PTPRT: variants seen among roughly 807,000 people sequenced by gnomAD.
PTPRT encodes the protein receptor-type tyrosine-protein phosphatase T.
Under a neutral mutation model 176.8 loss-of-function variants are expected in PTPRT, and 56 were observed. The ratio of observed to expected loss-of-function variants is 0.32; its 90% CI spans 0.26 to 0.40. PTPRT has a LOEUF of 0.40. PTPRT is among the 10% of genes least tolerant of loss of function. PTPRT has a pLI of 1.00. For missense variants in PTPRT, 1,540 were observed against 1,908.2 expected (o/e 0.81, Z 3.60); for synonymous variants, 783 against 739.0 (o/e 1.06, Z -0.96).
chr20:42,743,530 G>A (rs902570174), intron 6 of PTPRT, among the ~76,000 whole-genome samples: 2 of 152,138 alleles, frequency 1.3e-5, no homozygotes, highest in African/African-American at 4.8e-5. Flanking sequence ...TTGTTTTAAG[G>A]CGGGAATAAG....
chr20:43,015,582 CAT>C (rs759913139), intron 1 of PTPRT, among the ~76,000 whole-genome samples: 4 of 152,210 alleles, frequency 2.6e-5, no homozygotes, highest in Admixed American at 6.5e-5. Flanking sequence ...CATACACACA[CAT>C]GTGCCCTCTG....
At chr20:42,450,199 G>A (rs2145858455) in intron 8 of PTPRT, among the ~76,000 whole-genome samples, 1 of 152,348 alleles carries the variant, frequency 6.6e-6, no homozygotes, top group East Asian at 1.9e-4. Flanking sequence ...ATGCTTATAG[G>A]TAAGTATGCA....
At chr20:42,195,772 CCT>C (rs1256917073) in intron 16 of PTPRT, among the ~76,000 whole-genome samples, 1 of 151,928 alleles carries the variant, frequency 6.6e-6, no homozygotes, top group Non-Finnish European at 1.5e-5. Flanking sequence ...TAGGTTTATA[CCT>C]CTCTCTGTAT....
intron 7 of PTPRT, among the ~76,000 whole-genome samples, chr20:42,547,397 A>G (rs182273355): frequency 0.013 from 1,927 of 151,826 alleles, 39 homozygotes; most frequent in African/African-American, 0.044. Context: ...AACACTGTAA[A>G]ATGAAAAAAA....
At chr20:42,326,312 A>T (rs942377795) in intron 11 of PTPRT, among the ~76,000 whole-genome samples, 1 of 152,176 alleles carries the variant, frequency 6.6e-6, no homozygotes, top group African/African-American at 2.4e-5. Context: ...TACCTCTAGA[A>T]CTTGCCTCTA....
At chr20:42,128,518 G>C (rs1240560111) in intron 19 of PTPRT, among the ~76,000 whole-genome samples, 2 of 152,136 alleles carry the variant, frequency 1.3e-5, no homozygotes, top group Non-Finnish European at 2.9e-5. Flanking sequence ...AATAAATGGG[G>C]TGAATGAGTA....
chr20:42,502,615 T>A (rs1383787008), intron 7 of PTPRT, among the ~76,000 whole-genome samples: 2 of 152,104 alleles, frequency 1.3e-5, no homozygotes. Flanking sequence ...TTGTGCTGGC[T>A]TACTCATTTT....
intron 7 of PTPRT, among the ~76,000 whole-genome samples, chr20:42,522,913 T>C (rs1335466107): frequency 6.6e-6 from 1 of 152,174 alleles, no homozygotes; most frequent in Non-Finnish European, 1.5e-5. Context: ...CTCCTGTATA[T>C]GGTATGCACG....
chr20:42,199,105 C>T, intron 16 of PTPRT, 135 bp downstream of exon 16: 9 of 1,017,626 alleles, frequency 8.8e-6, no homozygotes, highest in Non-Finnish European at 1.3e-5. Flanking sequence ...GGAGAACCTT[C>T]ATCCCAGTCC....
intron 7 of PTPRT, among the ~76,000 whole-genome samples, chr20:42,476,970 T>C (rs757309869): frequency 3.3e-5 from 5 of 152,108 alleles, no homozygotes; most frequent in African/African-American, 4.8e-5. Flanking sequence ...AGAATACACA[T>C]TTTAGTCTGT....
chr20:42,434,922 A>G (rs2059248815), intron 9 of PTPRT, among the ~76,000 whole-genome samples: 1 of 152,116 alleles, frequency 6.6e-6, no homozygotes, highest in Non-Finnish European at 1.5e-5. Context: ...TTGAGATTGC[A>G]TCACTGCACT....
At chr20:42,864,749 A>G (rs1168528267) in intron 2 of PTPRT, among the ~76,000 whole-genome samples, 1 of 152,210 alleles carries the variant, frequency 6.6e-6, no homozygotes, top group Non-Finnish European at 1.5e-5. Flanking sequence ...GACCAAGGTT[A>G]TCAAAGTTTT....
chr20:42,178,682 C>T (rs1030546244), intron 16 of PTPRT, among the ~76,000 whole-genome samples: 1 of 152,158 alleles, frequency 6.6e-6, no homozygotes, highest in Non-Finnish European at 1.5e-5. Context: ...TGTGAGGTTG[C>T]ACTCAAGCTG....
chr20:42,833,234 T>C (rs1463806510), intron 2 of PTPRT, among the ~76,000 whole-genome samples: 1 of 146,330 alleles, frequency 6.8e-6, no homozygotes, highest in African/African-American at 2.5e-5. Context: ...AAAAAAAACC[T>C]AAAGTCATTA....
chr20:42,324,293 C>T (rs1178291484), intron 11 of PTPRT, among the ~76,000 whole-genome samples: 3 of 151,936 alleles, frequency 2.0e-5, no homozygotes, highest in Admixed American at 6.5e-5. Flanking sequence ...TGATTCTATT[C>T]GTATTTATTA....
At chr20:42,818,571 G>T (rs1391153374) in intron 2 of PTPRT, among the ~76,000 whole-genome samples, 1 of 152,272 alleles carries the variant, frequency 6.6e-6, no homozygotes, top group Non-Finnish European at 1.5e-5. Flanking sequence ...GGCCTCAGAA[G>T]ATGGGTAATG....
At chr20:43,061,982 A>C (rs1334095057) in intron 1 of PTPRT, among the ~76,000 whole-genome samples, 6 of 152,250 alleles carry the variant, frequency 3.9e-5, no homozygotes, top group African/African-American at 1.4e-4. Context: ...TACGCTGAGC[A>C]AAAGCAGATG....
At chr20:42,444,436 C>T (rs1042836729) in intron 9 of PTPRT, among the ~76,000 whole-genome samples, 4 of 152,160 alleles carry the variant, frequency 2.6e-5, no homozygotes, top group African/African-American at 9.7e-5. Context: ...AGACTGGAGA[C>T]AGAATGGGAC....
intron 23 of PTPRT, among the ~76,000 whole-genome samples, chr20:42,108,368 C>T (rs1276240657): frequency 6.6e-6 from 1 of 152,206 alleles, no homozygotes; most frequent in East Asian, 1.9e-4. Flanking sequence ...GACTTAACCT[C>T]TCTGGGTTTC....
Sources: gnomAD v4.1 joint callset for allele counts (sites outside exome capture counted in the v4.1 genomes callset) on GRCh38, gnomAD v4.1.1 for gene constraint, MANE v1.5 for transcripts, NCBI Gene and HGNC (gene_info 2026-07-23, HGNC 2026-07-21) for gene names.